The following LARS1 variants were observed in gnomAD, a reference collection of about 807,000 sequenced individuals.
LARS1 encodes the protein leucine--tRNA ligase, cytoplasmic.
In LARS1, 100 loss-of-function variants were observed where a neutral mutation model predicts 162.8. That is an observed-to-expected ratio of 0.61 (90% confidence interval 0.52 to 0.73). LARS1 has a LOEUF of 0.73. Ranked by LOEUF, LARS1 falls within the 30% of genes least tolerant of loss-of-function variation. The pLI is 0.00. For synonymous variants in LARS1, 457 were observed against 462.8 expected (o/e 0.99, Z 0.16); for missense variants, 1,258 against 1,408.9 (o/e 0.89, Z 1.71).
At chr5:146,139,483 T>C (rs1336557065) in intron 21 of LARS1, 2 of 152,522 alleles carry the variant, frequency 1.3e-5, no homozygotes, top group African/African-American at 2.4e-5. Flanking sequence ...TGTGTCACCT[T>C]TGGCCACTCT....
intron 7 of LARS1, among the ~76,000 whole-genome samples, 162 bp from the exon 8 acceptor site, chr5:146,159,632 A>T (rs1288762459): frequency 6.6e-6 from 1 of 152,150 alleles, no homozygotes; most frequent in Non-Finnish European, 1.5e-5. Context: ...TCCACTGTCA[A>T]CCTACTTATT....
chr5:146,116,426 T>A (rs982346556), intron 31 of LARS1, among the ~76,000 whole-genome samples: 5 of 152,204 alleles, frequency 3.3e-5, no homozygotes, highest in Non-Finnish European at 7.3e-5. Flanking sequence ...CAATTCTGAA[T>A]CAAACTAGTT....
intron 2 of LARS1, among the ~76,000 whole-genome samples, chr5:146,174,159 A>AAAAAG (rs1238446405): frequency 6.7e-6 from 1 of 148,716 alleles, no homozygotes; most frequent in African/African-American, 2.5e-5. Flanking sequence ...AAAAAAAAAA[A>AAAAAG]AAAAAAAGGC....
At chr5:146,120,590 A>AAC in intron 30 of LARS1, 87 bp from the exon 31 acceptor site, 1 of 1,295,958 alleles carries the variant, frequency 7.7e-7, no homozygotes, top group Non-Finnish European at 1.1e-6. Context: ...GCCCAATGAA[A>AAC]GACAGATCTA....
chr5:146,120,572 T>C (rs1751777622), intron 30 of LARS1, 69 bp from the exon 31 acceptor site: 1 of 1,449,596 alleles, frequency 6.9e-7, no homozygotes, highest in Non-Finnish European at 9.5e-7. Context: ...CTCTGCTACG[T>C]TTTCAATGCC....
At position 146,160,407 on chromosome 5, in the gene LARS1, A is replaced by T; in HGVS notation, c.674T>A (p.Leu225Ter). The T allele has an allele frequency of 2.5e-6, 4 of 1,575,254 alleles. No homozygotes were observed. Among genetic ancestry groups the T allele is most frequent in the Non-Finnish European group, 3.4e-6 (4 of 1,161,062 alleles). ...DSFVRWQFLTLRERNKIKFGK... is the reference protein window; with the variant it reads ...DSFVRWQFLT ...AAATTTAATTTTGTTTCTTTCTCTT[A>T]ATGTTAAAAATTGCCATCTGACAAA... The change falls in exon 7 of 32, where the codon TTA becomes TAA. Residue 225 changes from leucine to a stop codon, truncating the protein, a stop_gained. Transcript: ENST00000394434. LOFTEE classifies it high-confidence loss of function.
chr5:146,135,493 T>C (rs574447062), intron 22 of LARS1, 108 bp downstream of exon 22: 1 of 767,366 alleles, frequency 1.3e-6, no homozygotes, highest in African/African-American at 1.8e-5. Context: ...TTTTAAAATT[T>C]TGTTAAAAGC....
intron 21 of LARS1, among the ~76,000 whole-genome samples, chr5:146,138,546 C>T (rs1178581276): frequency 6.6e-6 from 1 of 151,204 alleles, no homozygotes; most frequent in Non-Finnish European, 1.5e-5. Context: ...GGCCAACATA[C>T]TGAAACCCTG....
intron 18 of LARS1, 44 bp downstream of exon 18, chr5:146,144,223 A>AAC (rs1324550698): frequency 1.4e-6 from 2 of 1,410,824 alleles, no homozygotes; most frequent in Non-Finnish European, 2.0e-6. Context: ...TTTTCTGTGT[A>AAC]ACTGGCAAAG....
intron 1 of LARS1, among the ~76,000 whole-genome samples, chr5:146,180,530 A>T (rs1186887440): frequency 2.6e-5 from 4 of 152,152 alleles, no homozygotes; most frequent in Non-Finnish European, 4.4e-5. Context: ...AAATAAAAAT[A>T]AAAAATATGA....
chr5:146,130,288 TGTAAAG>T, intron 24 of LARS1, 130 bp from the exon 25 acceptor site: 4 of 853,302 alleles, frequency 4.7e-6, no homozygotes, highest in Non-Finnish European at 7.3e-6. Flanking sequence ...AACAAATTAC[TGTAAAG>T]GTTTTACTTT....
In LARS1 at chr5:146,149,512, A is replaced by G. The variant is rs370239194; in HGVS notation, c.1503+110T>C. ...CTATTTTCTGCCGCAAAACTGTATGATATTTTTATTATAGCTCCAGGTTCT... is the reference window on the plus strand; with the variant it reads ...CTATTTTCTGCCGCAAAACTGTATGGTATTTTTATTATAGCTCCAGGTTCT... On this transcript the variant is annotated intron_variant, in intron 15 of 31. Transcript: ENST00000394434. 217 of 777,666 alleles carry G rather than the reference A, an allele frequency of 2.8e-4. 2 individuals are homozygous for G. In the East Asian group the frequency reaches 3.9e-3, roughly 14 times the overall value. The allele number at this position is 777,666 out of a possible 1,614,324, so 48.2% of individuals were successfully genotyped here.
At chr5:146,141,623 G>A (rs1262271985) in intron 20 of LARS1, among the ~76,000 whole-genome samples, 1 of 151,498 alleles carries the variant, frequency 6.6e-6, no homozygotes, top group Non-Finnish European at 1.5e-5. Flanking sequence ...GGGCAACAAA[G>A]TGAGACCTCG....
At chr5:146,123,245 A>T (rs1279755248) in intron 29 of LARS1, among the ~76,000 whole-genome samples, 2 of 151,944 alleles carry the variant, frequency 1.3e-5, no homozygotes, top group Non-Finnish European at 2.9e-5. Context: ...CTTCATTATT[A>T]CTAGGACCAC....
At chr5:146,173,361 A>G (rs1049919625) in intron 2 of LARS1, among the ~76,000 whole-genome samples, 2 of 151,902 alleles carry the variant, frequency 1.3e-5, no homozygotes, top group African/African-American at 4.8e-5. Context: ...AAAAAAAAAA[A>G]AATTCTTTAA....
intron 7 of LARS1, 66 bp downstream of exon 7, chr5:146,160,308 T>C: frequency 2.4e-6 from 2 of 850,940 alleles, no homozygotes; most frequent in South Asian, 3.8e-5. Context: ...AGCACTGGGA[T>C]TACAGGCGTG....
intron 2 of LARS1, among the ~76,000 whole-genome samples, chr5:146,176,985 T>TAAAAC (rs767606537): frequency 2.8e-4 from 43 of 152,146 alleles, no homozygotes; most frequent in Non-Finnish European, 5.1e-4. Context: ...CTGTAGTCTT[T>TAAAAC]AAAACAAAAC....
intron 23 of LARS1, 39 bp from the exon 24 acceptor site, chr5:146,131,148 G>A (rs772813243): frequency 6.6e-6 from 7 of 1,054,386 alleles, no homozygotes; most frequent in Non-Finnish European, 9.7e-6. Context: ...TGAGTTTAAA[G>A]GCACTTATAC....
In LARS1 at chr5:146,116,811, C is replaced by T. The variant is rs113211075; in HGVS notation, c.3326-2500G>A. ...ATGATAGTTTTAGTTCAGTTCCTCC[C>T]GGACCCAGATCATAATTACCCTCAA... On this transcript the variant is annotated intron_variant, in intron 31 of 31. Coordinates refer to ENST00000394434, the MANE Select transcript of LARS1 (RefSeq NM_020117.11). 2.4e-4 allele frequency among the ~76,000 whole-genome samples: 37 copies of T among 152,262 alleles called. 1 individual carries two copies. Among genetic ancestry groups the T allele is most frequent in the African/African-American group, 8.2e-4 (34 of 41,562 alleles).
Sources: allele counts gnomAD v4.1 joint callset (sites outside exome capture counted in the v4.1 genomes callset), GRCh38; gene constraint gnomAD v4.1.1; transcripts MANE v1.5; gene names NCBI Gene and HGNC (gene_info 2026-07-23, HGNC 2026-07-21).